MYO3B: variants seen among roughly 807,000 people sequenced by gnomAD.
The protein encoded by MYO3B is myosin IIIB.
MYO3B carries 156 observed loss-of-function variants against 174.6 expected under a neutral mutation model. The ratio of observed to expected loss-of-function variants is 0.89; its 90% confidence interval spans 0.78 to 1.02. The LOEUF (loss-of-function observed/expected upper bound fraction) is 1.02, where lower values mean the gene tolerates loss of function less well. MYO3B is among the 50% of genes least tolerant of loss of function. MYO3B has a pLI of 0.00. For synonymous variants in MYO3B, 563 were observed against 569.1 expected (o/e 0.99, Z 0.15); for missense variants, 1,632 against 1,639.4 (o/e 1.00, Z 0.08).
At chr2:170,319,614 T>TA (rs1472755201) in intron 7 of MYO3B, among the ~76,000 whole-genome samples, 1 of 152,094 alleles carries the variant, frequency 6.6e-6, no homozygotes, top group Non-Finnish European at 1.5e-5. Context: ...AAATTTTGTT[T>TA]AAAAAAATAA....
chr2:170,421,318 C>T (rs1040533386), intron 22 of MYO3B, among the ~76,000 whole-genome samples: 1 of 152,194 alleles, frequency 6.6e-6, no homozygotes, highest in Non-Finnish European at 1.5e-5. Context: ...AGGACTCTTG[C>T]ACCAGAGGAG....
intron 6 of MYO3B, among the ~76,000 whole-genome samples, chr2:170,222,888 G>A (rs2092916024): frequency 6.6e-6 from 1 of 152,104 alleles, no homozygotes; most frequent in Admixed American, 6.6e-5. Flanking sequence ...CTGCAGGGCT[G>A]CAGGTTATAG....
chr2:170,596,672 C>T (rs772155637), intron 32 of MYO3B, among the ~76,000 whole-genome samples: 9 of 152,198 alleles, frequency 5.9e-5, no homozygotes, highest in Admixed American at 1.3e-4. Flanking sequence ...TGCCCCCAAA[C>T]CACCACTACC....
chr2:170,563,838 A>G (rs1691895231), intron 32 of MYO3B, among the ~76,000 whole-genome samples: 1 of 152,216 alleles, frequency 6.6e-6, no homozygotes, highest in Non-Finnish European at 1.5e-5. Context: ...ATTTTCCTAG[A>G]AGCTCTATGC....
intron 32 of MYO3B, among the ~76,000 whole-genome samples, chr2:170,619,724 C>T (rs1394196965): frequency 8.3e-6 from 1 of 120,354 alleles, no homozygotes; most frequent in African/African-American, 2.9e-5. Context: ...TGGCCCATCA[C>T]TGCTGCCATA....
At chr2:170,405,109 A>G (rs894144260) in intron 20 of MYO3B, among the ~76,000 whole-genome samples, 4 of 152,232 alleles carry the variant, frequency 2.6e-5, no homozygotes, top group Admixed American at 2.6e-4. Flanking sequence ...AGGAGGAACA[A>G]AAAGTTTCAA....
intron 8 of MYO3B, chr2:170,346,486 C>T (rs12994056): frequency 1.6e-4 from 24 of 151,970 alleles, no homozygotes; most frequent in Non-Finnish European, 3.2e-4. Flanking sequence ...ATTAATATGA[C>T]ACCATAAAAC....
intron 23 of MYO3B, among the ~76,000 whole-genome samples, chr2:170,444,466 G>A (rs904441616): frequency 1.3e-5 from 2 of 152,156 alleles, no homozygotes; most frequent in African/African-American, 2.4e-5. Flanking sequence ...TGTAAAATAT[G>A]TCTTTAACTG....
At chr2:170,406,200 A>C (rs12464461) in intron 21 of MYO3B, among the ~76,000 whole-genome samples, 113,008 of 152,100 alleles carry the variant, frequency 0.74, 43,062 homozygotes, top group Middle Eastern at 0.86. Flanking sequence ...GAAATTCCCT[A>C]TCCCATAACC....
At chr2:170,475,691 A>T (rs1352679553) in intron 25 of MYO3B, among the ~76,000 whole-genome samples, 2 of 152,160 alleles carry the variant, frequency 1.3e-5, no homozygotes, top group Non-Finnish European at 2.9e-5. Flanking sequence ...CTGCCACCAG[A>T]ATTACGTTTA....
chr2:170,501,838 A>G lies in MYO3B; in HGVS notation c.3343A>G (p.Asn1115Asp). 6.2e-7 allele frequency: 1 copy of G among 1,612,578 alleles called. No homozygotes were observed. Among genetic ancestry groups the G allele is most frequent in the Non-Finnish European group, 8.5e-7 (1 of 1,178,606 alleles). ...ATTTAAGAAAATAAGCAACAGAAGG[A>G]ATGAGTCTGCTGCTCATAATCAAGC... ...RKFKKISNRR[N>D]ESAAHNQAGD... The change falls in exon 28 of 35, where the codon AAT (asparagine) becomes GAT (aspartate). Residue 1115 changes from asparagine (N) to aspartate (D), a missense_variant. Physicochemically the swap from Asn to Asp is conservative, Grantham distance 23. Transcript: ENST00000408978.
intron 32 of MYO3B, among the ~76,000 whole-genome samples, chr2:170,644,246 G>GTTGT (rs1201596820): frequency 6.6e-6 from 1 of 151,094 alleles, no homozygotes. Flanking sequence ...AGAATTATTG[G>GTTGT]TTGTTTATCT....
chr2:170,535,940 T>G (rs1689658788), intron 30 of MYO3B, among the ~76,000 whole-genome samples: 1 of 152,204 alleles, frequency 6.6e-6, no homozygotes, highest in Non-Finnish European at 1.5e-5. Context: ...CTCAGCTCCC[T>G]TGGTTGCTGA....
At chr2:170,413,947 G>A (rs1334487389) in intron 22 of MYO3B, among the ~76,000 whole-genome samples, 1 of 151,978 alleles carries the variant, frequency 6.6e-6, no homozygotes, top group East Asian at 1.9e-4. Flanking sequence ...GGCTGAGGCA[G>A]GAGAATCGCA....
chr2:170,468,577 T>C lies in MYO3B; in HGVS notation c.3014+1866T>C, dbSNP rs553760255. Among the ~76,000 whole-genome samples, 5 of 152,260 alleles carry C rather than the reference T, an allele frequency of 3.3e-5. No individual in the cohort carries two copies. In the South Asian group the frequency reaches 6.2e-4, roughly 19 times the overall value. On this transcript the variant is annotated intron_variant, in intron 25 of 34. Coordinates refer to ENST00000408978, the MANE Select transcript of MYO3B (RefSeq NM_138995.5). ...GCTTTCTGGCAAAATGACTTGGAAG[T>C]GCCCTTCCTTATCCTCTACTCATGG...
intron 32 of MYO3B, among the ~76,000 whole-genome samples, chr2:170,638,821 C>T (rs1697734171): frequency 6.6e-6 from 1 of 152,204 alleles, no homozygotes; most frequent in Non-Finnish European, 1.5e-5. Context: ...CTCTCTTTAT[C>T]ATTTTACACA....
At chr2:170,357,331 A>T (rs1312126306) in intron 8 of MYO3B, among the ~76,000 whole-genome samples, 1 of 134,518 alleles carries the variant, frequency 7.4e-6, no homozygotes, top group Non-Finnish European at 1.7e-5. Context: ...AAAAATAAAT[A>T]ATATATATTA....
chr2:170,400,420 T>A (rs75576103), intron 17 of MYO3B, 106 bp downstream of exon 17: 166,631 of 1,199,878 alleles, frequency 0.14, 2,459 homozygotes, highest in East Asian at 0.22. Context: ...TTTTTTTTTT[T>A]ATCGAGATGG....
chr2:170,421,510 C>G (rs966695784), intron 22 of MYO3B, among the ~76,000 whole-genome samples: 1 of 152,172 alleles, frequency 6.6e-6, no homozygotes, highest in African/African-American at 2.4e-5. Flanking sequence ...CGTGGCTGCC[C>G]CGGGGTGCCA....
Sources: allele counts gnomAD v4.1 joint callset (sites outside exome capture counted in the v4.1 genomes callset), GRCh38; gene constraint gnomAD v4.1.1; transcripts MANE v1.5; gene names NCBI Gene and HGNC (gene_info 2026-07-23, HGNC 2026-07-21).